ESYT2: variants seen among roughly 807,000 people sequenced by gnomAD.
ESYT2 encodes extended synaptotagmin-2.
In ESYT2, 54 loss-of-function variants were observed where a neutral mutation model predicts 107.2. That is an observed-to-expected ratio of 0.50 (90% CI 0.40 to 0.63). The LOEUF is 0.63. ESYT2 is among the 30% of genes least tolerant of loss of function. The pLI is 0.00. For synonymous variants in ESYT2, 491 were observed against 434.1 expected, an observed-to-expected ratio of 1.13 and a Z score of -1.63; for missense variants, 1,020 against 1,094.5, an observed-to-expected ratio of 0.93 and a Z score of 0.96.
intron 6 of ESYT2, among the ~76,000 whole-genome samples, chr7:158,776,889 G>A (rs750076627): frequency 1.4e-5 from 2 of 143,030 alleles, no homozygotes; most frequent in Non-Finnish European, 3.0e-5. Flanking sequence ...GTCTTGCTCT[G>A]TCGCCCAGGC....
At chr7:158,804,632 G>A (rs980839083) in intron 1 of ESYT2, among the ~76,000 whole-genome samples, 23 of 151,100 alleles carry the variant, frequency 1.5e-4, no homozygotes, top group African/African-American at 5.1e-4. Flanking sequence ...GGTGAGGCGC[G>A]TGACAAACCC....
intron 7 of ESYT2, among the ~76,000 whole-genome samples, chr7:158,769,575 G>A (rs141588693): frequency 3.3e-5 from 5 of 152,308 alleles, no homozygotes; most frequent in South Asian, 2.1e-4. Context: ...TCGGAACCAC[G>A]ACTACTCATC....
chr7:158,746,330 C>A (rs1424974230), intron 16 of ESYT2, among the ~76,000 whole-genome samples: 2 of 151,918 alleles, frequency 1.3e-5, no homozygotes, highest in Non-Finnish European at 2.9e-5. Flanking sequence ...GAGGCTGAGG[C>A]ACACATACAC....
rs190314559 is a variant in ESYT2 at position 158,750,669 on chromosome 7, T to G, written c.1483-946A>C. Among the ~76,000 whole-genome samples, 26 of 152,332 alleles carry G rather than the reference T, an allele frequency of 1.7e-4. 3 individuals carry two copies. Among genetic ancestry groups the G allele is most frequent in the African/African-American group, 6.3e-4 (26 of 41,580 alleles). On this transcript the variant is annotated intron_variant, in intron 14 of 22. Transcript: ENST00000275418. The stretch of plus-strand genomic sequence containing the variant: ...CAAAATAAGTACTGTTGAAAAAAGT[T>G]TCCAAGGCTACAGATTACTGTGGAA...
intron 4 of ESYT2, among the ~76,000 whole-genome samples, chr7:158,792,545 C>T (rs1381886291): frequency 4.0e-5 from 6 of 148,472 alleles, no homozygotes; most frequent in Non-Finnish European, 1.5e-5. Flanking sequence ...AAAAAAAAAC[C>T]AACCAAACAA....
chr7:158,797,761 G>A (rs1198447654), intron 3 of ESYT2, among the ~76,000 whole-genome samples, 181 bp downstream of exon 3: 2 of 152,040 alleles, frequency 1.3e-5, no homozygotes, highest in African/African-American at 4.8e-5. Flanking sequence ...GGCTGAGGCA[G>A]GAGAATAGTG....
chr7:158,762,375 C>T (rs115419016), intron 10 of ESYT2, among the ~76,000 whole-genome samples: 1,780 of 152,250 alleles, frequency 0.012, 33 homozygotes, highest in African/African-American at 0.041. Context: ...TAAAATCTCT[C>T]AATTGTTCCT....
intron 6 of ESYT2, among the ~76,000 whole-genome samples, chr7:158,780,577 A>G (rs2129472840): frequency 6.6e-6 from 1 of 152,352 alleles, no homozygotes; most frequent in East Asian, 1.9e-4. Flanking sequence ...ACTATCAACG[A>G]TGGAGTATTA....
At chr7:158,802,407 A>G (rs1839672316) in intron 1 of ESYT2, among the ~76,000 whole-genome samples, 3 of 152,066 alleles carry the variant, frequency 2.0e-5, no homozygotes, top group Non-Finnish European at 4.4e-5. Context: ...CTGCCTCTCG[A>G]GTAGCTGGGA....
chr7:158,798,479 T>C (rs1839536040), intron 2 of ESYT2, among the ~76,000 whole-genome samples: 1 of 151,720 alleles, frequency 6.6e-6, no homozygotes, highest in Non-Finnish European at 1.5e-5. Flanking sequence ...AAACTCCATC[T>C]CTACTAAAAA....
At chr7:158,805,595 A>G (rs1839802233) in intron 1 of ESYT2, among the ~76,000 whole-genome samples, 1 of 152,218 alleles carries the variant, frequency 6.6e-6, no homozygotes, top group African/African-American at 2.4e-5. Flanking sequence ...ATCTTTTCCA[A>G]AATCCACAAG....
At chr7:158,757,409 A>G (rs1837796919) in intron 13 of ESYT2, among the ~76,000 whole-genome samples, 1 of 152,192 alleles carries the variant, frequency 6.6e-6, no homozygotes, top group Non-Finnish European at 1.5e-5. Context: ...AAGTAGCCAC[A>G]CCCAAAGTTT....
intron 3 of ESYT2, among the ~76,000 whole-genome samples, chr7:158,796,066 G>A (rs1321472710): frequency 1.3e-5 from 2 of 152,212 alleles, no homozygotes; most frequent in African/African-American, 4.8e-5. Flanking sequence ...AATACACAGT[G>A]ACCATGCCAG....
At chr7:158,819,394 T>G (rs775636924) in intron 1 of ESYT2, among the ~76,000 whole-genome samples, 78 of 152,370 alleles carry the variant, frequency 5.1e-4, no homozygotes, top group Non-Finnish European at 9.7e-4. Context: ...TTAACTCTTC[T>G]CATTATATCA....
chr7:158,816,115 C>T (rs116037798), intron 1 of ESYT2, among the ~76,000 whole-genome samples: 1,696 of 152,318 alleles, frequency 0.011, 26 homozygotes, highest in African/African-American at 0.039. Context: ...TAAATGCCAT[C>T]TCCAGTATCC....
chr7:158,773,521 T>A, intron 6 of ESYT2, 125 bp from the exon 7 acceptor site: 1 of 835,618 alleles, frequency 1.2e-6, no homozygotes, highest in Non-Finnish European at 1.9e-6. Flanking sequence ...ACACCCTTCA[T>A]CCTTCGTAAT....
chr7:158,770,375 C>A (rs1018151435), intron 7 of ESYT2, among the ~76,000 whole-genome samples: 1 of 150,970 alleles, frequency 6.6e-6, no homozygotes, highest in African/African-American at 2.4e-5. Context: ...ATTATATATA[C>A]CTATATATAT....
intron 1 of ESYT2, among the ~76,000 whole-genome samples, chr7:158,800,475 G>A (rs1839603707): frequency 1.3e-5 from 2 of 152,100 alleles, no homozygotes; most frequent in African/African-American, 4.8e-5. Context: ...CTGCAGCCTG[G>A]AACTCCTGGG....
intron 8 of ESYT2, among the ~76,000 whole-genome samples, chr7:158,766,293 G>T (rs1490912527): frequency 6.6e-6 from 1 of 152,148 alleles, no homozygotes; most frequent in African/African-American, 2.4e-5. Flanking sequence ...CATGTCTAAA[G>T]TTGAGATAAT....
Sources: gnomAD v4.1 joint callset for allele counts (sites outside exome capture counted in the v4.1 genomes callset) on GRCh38, gnomAD v4.1.1 for gene constraint, MANE v1.5 for transcripts, NCBI Gene and HGNC (gene_info 2026-07-23, HGNC 2026-07-21) for gene names.